Variants in PIK3C2B observed in about 807,000 individuals in gnomAD.
PIK3C2B encodes phosphatidylinositol 4-phosphate 3-kinase C2 domain-containing subunit beta.
PIK3C2B carries 83 observed loss-of-function variants against 184.3 expected under a neutral mutation model. The ratio of observed to expected loss-of-function variants is 0.45; its 90% CI spans 0.38 to 0.54. The LOEUF (loss-of-function observed/expected upper bound fraction) is 0.54. Among genes scored for constraint, PIK3C2B ranks in the 20% least tolerant of loss-of-function variants. The pLI is 0.00. For synonymous variants in PIK3C2B, 779 were observed against 837.6 expected, an observed-to-expected ratio of 0.93 and a Z score of 1.21; for missense variants, 1,736 against 2,113.5, an observed-to-expected ratio of 0.82 and a Z score of 3.50.
At chr1:204,468,748 G>T (rs1656026467) in intron 2 of PIK3C2B, 122 bp downstream of exon 2, 2 of 864,662 alleles carry the variant, frequency 2.3e-6, no homozygotes, top group East Asian at 2.7e-5. Flanking sequence ...GTCCCAAAGA[G>T]GGTAGGAGAG....
chr1:204,430,982 T>C (rs1412012303), intron 28 of PIK3C2B, among the ~76,000 whole-genome samples: 1 of 152,248 alleles, frequency 6.6e-6, no homozygotes, highest in Non-Finnish European at 1.5e-5. Context: ...AAAATTGCAG[T>C]AAAATATGTG....
chr1:204,474,930 C>T (rs1458280677), intron 1 of PIK3C2B, among the ~76,000 whole-genome samples: 1 of 151,348 alleles, frequency 6.6e-6, no homozygotes, highest in African/African-American at 2.4e-5. Flanking sequence ...CTAGAGTCCC[C>T]CTTCCTTTCA....
chr1:204,482,109 C>CGGG (rs55875447), intron 1 of PIK3C2B, among the ~76,000 whole-genome samples: 1 of 132,540 alleles, frequency 7.5e-6, no homozygotes, highest in African/African-American at 3.7e-5. Flanking sequence ...CATGAAAAGA[C>CGGG]GGGGGGGGGG....
chr1:204,491,503 G>A (rs141763626), intron 1 of PIK3C2B, among the ~76,000 whole-genome samples: 2 of 152,222 alleles, frequency 1.3e-5, no homozygotes, highest in Non-Finnish European at 2.9e-5. Context: ...GACCAGCCTG[G>A]GCAACATACT....
intron 12 of PIK3C2B, 85 bp downstream of exon 12, chr1:204,454,584 G>A: frequency 7.0e-7 from 1 of 1,428,818 alleles, no homozygotes; most frequent in South Asian, 1.2e-5. Flanking sequence ...ATTAGTCCTG[G>A]ACTAGTTATC....
Position 204,443,470 on chromosome 1 carries a change from C to T in PIK3C2B, c.2995G>A (p.Ala999Thr), listed in dbSNP as rs375506288. 1.2e-6 allele frequency: 2 copies of T among 1,614,112 alleles called. No homozygotes were observed. Among genetic ancestry groups the T allele is most frequent in the African/African-American group, 1.3e-5 (1 of 74,948 alleles). ...ACCTGCTGGGCCAGTTTGGCCAGGG[C>T]ATTGACAAGCCAGCACTGGCGGTTA... ...EFNRQCWLVN[A>T]LAKLAQQVRE... is the part of the protein sequence containing the mutation. Residue 999 changes from alanine to threonine, a missense_variant, in exon 19 of 33, where the codon GCC becomes ACC. By Grantham distance (58) the Ala-to-Thr change is moderately conservative. Transcript: ENST00000684373.
chr1:204,454,906 G>T, intron 11 of PIK3C2B, 115 bp from the exon 12 acceptor site: 1 of 1,185,524 alleles, frequency 8.4e-7, no homozygotes, highest in Non-Finnish European at 1.2e-6. Flanking sequence ...CAGTCTCTGA[G>T]GGCTGTAACA....
chr1:204,465,299 A>G lies in PIK3C2B; in HGVS notation c.954T>C (p.Thr318=), dbSNP rs1558266677. ...SAAPVGSRPH[T]VANGHELFEV... is the part of the protein sequence containing the mutation. ...CAAACAACTCATGGCCATTGGCAACAGTGTGGGGCCGGGAGCCCACCTTTA... is the reference window on the plus strand; with the variant it reads ...CAAACAACTCATGGCCATTGGCAACGGTGTGGGGCCGGGAGCCCACCTTTA... Residue 318 remains threonine, a synonymous_variant, in exon 3 of 33, where the codon ACT becomes ACC. Transcript: ENST00000684373. 1.2e-6 allele frequency: 2 copies of G among 1,613,328 alleles called. No homozygotes were observed. Among genetic ancestry groups the G allele is most frequent in the East Asian group, 4.5e-5 (2 of 44,882 alleles).
At position 204,460,548 on chromosome 1, in the gene PIK3C2B, A is replaced by ACCGTC; in HGVS notation, c.1419_1422+1dup. ...GCAACCCTCCACCACCCTCACACGA[A>ACCGTC]CCGTCCGGGCCAGGTCACTGCGCAC... On this transcript the variant is annotated splice_donor_variant, in intron 6 of 32. Coordinates refer to ENST00000684373, the MANE Select transcript of PIK3C2B (RefSeq NM_001377334.1). LOFTEE classifies it high-confidence loss of function. 1 of 1,612,280 alleles carries ACCGTC rather than the reference A, an allele frequency of 6.2e-7. No homozygotes were observed. Among genetic ancestry groups the ACCGTC allele is most frequent in the Non-Finnish European group, 8.5e-7 (1 of 1,178,600 alleles).
At chr1:204,493,064 G>A (rs562930537) in intron 1 of PIK3C2B, among the ~76,000 whole-genome samples, 12 of 152,260 alleles carry the variant, frequency 7.9e-5, no homozygotes, top group African/African-American at 2.9e-4. Context: ...CTCTGGGATC[G>A]GCAGCTGGAG....
At chr1:204,425,567 C>A (rs770392490) in intron 32 of PIK3C2B, 46 bp downstream of exon 32, 1 of 1,597,252 alleles carries the variant, frequency 6.3e-7, no homozygotes, top group African/African-American at 1.3e-5. Context: ...GGAGAACAGG[C>A]GCAGGTTGCC....
At chr1:204,443,040 A>G (rs1405217615) in intron 19 of PIK3C2B, among the ~76,000 whole-genome samples, 1 of 152,250 alleles carries the variant, frequency 6.6e-6, no homozygotes, top group Non-Finnish European at 1.5e-5. Flanking sequence ...ACAAACAGAT[A>G]AAGGTGTCCT....
chr1:204,444,231 A>G, intron 17 of PIK3C2B, 69 bp from the exon 18 acceptor site: 1 of 1,418,102 alleles, frequency 7.1e-7, no homozygotes, highest in Non-Finnish European at 1.0e-6. Flanking sequence ...ACTTATTATT[A>G]TTGCACTGGG....
rs1675100209 is a variant in PIK3C2B at position 204,432,230 on chromosome 1, A to G, written c.4125T>C (p.His1375=). 1.2e-6 allele frequency: 2 copies of G among 1,614,006 alleles called. No homozygotes were observed. Among genetic ancestry groups the G allele is most frequent in the African/African-American group, 1.3e-5 (1 of 74,920 alleles). ...CTTTGTTGGGGTGGAAGATCTTCTCATGGCGGCAGAGGAAAACATCACTGA... is the reference window on the plus strand; with the variant it reads ...CTTTGTTGGGGTGGAAGATCTTCTCGTGGCGGCAGAGGAAAACATCACTGA... ...GRISDVFLCR[H]EKIFHPNKGY... The change falls in exon 27 of 33, where the codon CAT becomes CAC. Residue 1375 remains histidine (H), a synonymous_variant. Transcript: ENST00000684373.
At chr1:204,492,075 C>A (rs760800013) in intron 1 of PIK3C2B, among the ~76,000 whole-genome samples, 4 of 152,200 alleles carry the variant, frequency 2.6e-5, no homozygotes, top group Non-Finnish European at 4.4e-5. Flanking sequence ...TTCCCTACTC[C>A]ATGTGGCCCT....
intron 19 of PIK3C2B, 79 bp downstream of exon 19, chr1:204,443,338 T>C: frequency 7.3e-7 from 1 of 1,375,072 alleles, no homozygotes; most frequent in Non-Finnish European, 1.0e-6. Flanking sequence ...TGGAATCTTG[T>C]TGTTCAGGAT....
intron 24 of PIK3C2B, 41 bp downstream of exon 24, chr1:204,434,398 C>T (rs781773073): frequency 3.1e-6 from 5 of 1,592,036 alleles, no homozygotes; most frequent in Non-Finnish European, 3.4e-6. Flanking sequence ...TGCTCACCTC[C>T]TTGCCCTTCA....
In PIK3C2B at chr1:204,424,483, T is replaced by A. The variant is rs1674641352; in HGVS notation, c.*369A>T. The A allele has an allele frequency of 2.7e-6, 1 of 373,122 alleles. No individual in the cohort carries two copies. Among genetic ancestry groups the A allele is most frequent in the Non-Finnish European group, 5.2e-6 (1 of 190,892 alleles). The allele number at this position is 373,122 out of a possible 1,614,324, so 23.1% of individuals were successfully genotyped here. A position where few individuals can be genotyped will look rare whatever the true frequency, so the allele number is the denominator to read the frequency against. The stretch of plus-strand genomic sequence containing the variant: ...CAGTTAGGACAACATCACTATTTCA[T>A]TTTTTAAAAATAAAAATTAAGATAT... On this transcript the variant is annotated 3_prime_UTR_variant, in exon 33 of 33. Coordinates refer to ENST00000684373, the MANE Select transcript of PIK3C2B (RefSeq NM_001377334.1).
intron 12 of PIK3C2B, chr1:204,454,456 T>C: frequency 4.6e-6 from 2 of 435,510 alleles, no homozygotes; most frequent in South Asian, 6.3e-5. Flanking sequence ...CACTCCAGCT[T>C]GGGCAACAAA....
Sources: allele counts gnomAD v4.1 joint callset (sites outside exome capture counted in the v4.1 genomes callset), GRCh38; gene constraint gnomAD v4.1.1; transcripts MANE v1.5; gene names NCBI Gene and HGNC (gene_info 2026-07-23, HGNC 2026-07-21).